KIF6: variants seen among roughly 807,000 people sequenced by gnomAD.
The protein encoded by KIF6 is kinesin family member 6, also known as kinesin-like protein KIF6.
In KIF6, 106 loss-of-function variants were observed where a neutral mutation model predicts 112.7. The ratio of observed to expected loss-of-function variants is 0.94; its 90% confidence interval spans 0.80 to 1.11. The LOEUF (loss-of-function observed/expected upper bound fraction) is 1.11, where lower values mean the gene tolerates loss of function less well. Among genes scored for constraint, KIF6 ranks in the 50% least tolerant of loss-of-function variants. The pLI is 0.00. For missense variants in KIF6, 929 were observed against 964.0 expected (o/e 0.96, Z 0.48); for synonymous variants, 339 against 339.9 (o/e 1.00, Z 0.03).
At chr6:39,651,164 G>A (rs554474166) in intron 3 of KIF6, among the ~76,000 whole-genome samples, 19 of 152,272 alleles carry the variant, frequency 1.2e-4, no homozygotes, top group Admixed American at 1.2e-3. Flanking sequence ...AATTAGAGAG[G>A]CCAAGTGAGA....
chr6:39,446,568 A>G (rs7770904), intron 13 of KIF6, among the ~76,000 whole-genome samples: 5,286 of 152,182 alleles, frequency 0.035, 135 homozygotes, highest in African/African-American at 0.049. Flanking sequence ...ATCTTGGCTC[A>G]CTGCAACCTC....
At chr6:39,500,722 T>G (rs1010144954) in intron 13 of KIF6, among the ~76,000 whole-genome samples, 3 of 152,128 alleles carry the variant, frequency 2.0e-5, no homozygotes, top group Admixed American at 6.5e-5. Context: ...ACTTGACACA[T>G]GCCATCGTTG....
chr6:39,475,501 T>C (rs1037935746), intron 13 of KIF6, among the ~76,000 whole-genome samples: 7 of 152,236 alleles, frequency 4.6e-5, no homozygotes, highest in Non-Finnish European at 1.0e-4. Context: ...CCTAGGTCCC[T>C]GACAATATTT....
At chr6:39,368,699 C>T (rs1396326267) in intron 16 of KIF6, among the ~76,000 whole-genome samples, 1 of 152,154 alleles carries the variant, frequency 6.6e-6, no homozygotes, top group Non-Finnish European at 1.5e-5. Context: ...AGCTATATAC[C>T]CACTCTCCAG....
At chr6:39,455,746 G>A (rs186393907) in intron 13 of KIF6, among the ~76,000 whole-genome samples, 29 of 152,170 alleles carry the variant, frequency 1.9e-4, no homozygotes, top group African/African-American at 6.0e-4. Flanking sequence ...GAGCCGATGC[G>A]ATCAGCTGAA....
chr6:39,417,196 T>C (rs1362076447), intron 15 of KIF6, among the ~76,000 whole-genome samples: 2 of 152,178 alleles, frequency 1.3e-5, no homozygotes, highest in Admixed American at 1.3e-4. Flanking sequence ...TAACCTGGTG[T>C]CTGAGATGTC....
At chr6:39,638,475 A>G (rs1784739559) in intron 4 of KIF6, among the ~76,000 whole-genome samples, 1 of 152,114 alleles carries the variant, frequency 6.6e-6, no homozygotes, top group African/African-American at 2.4e-5. Flanking sequence ...GAGTAAATGA[A>G]AAAAGGGCTT....
At chr6:39,622,210 T>C (rs1184187125) in intron 5 of KIF6, among the ~76,000 whole-genome samples, 1 of 151,948 alleles carries the variant, frequency 6.6e-6, no homozygotes, top group Non-Finnish European at 1.5e-5. Context: ...TATTTCCAAC[T>C]GTTTTTTAAC....
At chr6:39,693,262 T>C (rs949678925) in intron 3 of KIF6, among the ~76,000 whole-genome samples, 3 of 152,218 alleles carry the variant, frequency 2.0e-5, no homozygotes, top group Non-Finnish European at 2.9e-5. Context: ...CACAAGGTCT[T>C]CCAGCTCAAT....
chr6:39,387,785 T>C (rs1169982815), intron 15 of KIF6, among the ~76,000 whole-genome samples: 1 of 152,180 alleles, frequency 6.6e-6, no homozygotes, highest in African/African-American at 2.4e-5. Context: ...CTAGGCTGCA[T>C]CAAACACTGC....
chr6:39,529,774 G>A (rs368482310), intron 13 of KIF6, among the ~76,000 whole-genome samples: 215 of 151,978 alleles, frequency 1.4e-3, no homozygotes, highest in African/African-American at 4.8e-3. Flanking sequence ...GCGACAGAGC[G>A]AGACTCCGTC....
chr6:39,607,839 C>G (rs1441838330), intron 6 of KIF6, among the ~76,000 whole-genome samples: 1 of 152,200 alleles, frequency 6.6e-6, no homozygotes, highest in Non-Finnish European at 1.5e-5. Context: ...TTATATATAA[C>G]TAACATATCT....
chr6:39,561,406 C>T (rs1780001312), intron 10 of KIF6, among the ~76,000 whole-genome samples: 1 of 151,508 alleles, frequency 6.6e-6, no homozygotes, highest in South Asian at 2.1e-4. Flanking sequence ...GGCTGGAGTG[C>T]GTTGGTATGA....
chr6:39,563,189 T>C (rs940841714), intron 10 of KIF6, among the ~76,000 whole-genome samples: 24 of 152,116 alleles, frequency 1.6e-4, no homozygotes, highest in Admixed American at 1.5e-3. Flanking sequence ...TTCAGTGAGA[T>C]CGCGCCACTG....
chr6:39,486,061 C>A lies in KIF6; in HGVS notation c.1645+53942G>T, dbSNP rs540661068. On this transcript the variant is annotated intron_variant, in intron 13 of 22. Coordinates refer to ENST00000287152, the MANE Select transcript of KIF6 (RefSeq NM_145027.6). ...AGGCAATGAAGAACAATGCTTGTGG[C>A]AGATGAAAGATGGCTGTGAACACTT... 7.9e-5 allele frequency among the ~76,000 whole-genome samples: 12 copies of A among 152,296 alleles called. No homozygotes were observed. The South Asian group carries it at 2.5e-3, about 32-fold the overall frequency.
At chr6:39,520,546 C>T (rs1385768527) in intron 13 of KIF6, among the ~76,000 whole-genome samples, 2 of 152,172 alleles carry the variant, frequency 1.3e-5, no homozygotes, top group African/African-American at 4.8e-5. Context: ...AGCAGATTCA[C>T]CGAAGCACAG....
chr6:39,346,086 C>CTCCTCTCTCTCT (rs1326236666), intron 20 of KIF6, among the ~76,000 whole-genome samples: 1 of 26,994 alleles, frequency 3.7e-5, no homozygotes, highest in Non-Finnish European at 6.4e-5. Context: ...CTCTCTCTCT[C>CTCCTCTCTCTCT]CCCCCCCTCT....
chr6:39,637,265 T>C (rs902736411), intron 4 of KIF6, among the ~76,000 whole-genome samples: 5 of 152,114 alleles, frequency 3.3e-5, no homozygotes, highest in Admixed American at 1.3e-4. Context: ...TGTCTTTGGC[T>C]CTTTCAGCTT....
At chr6:39,354,115 C>T in intron 19 of KIF6, 1 of 340,522 alleles carries the variant, frequency 2.9e-6, no homozygotes, top group Non-Finnish European at 5.9e-6. Flanking sequence ...GCCCTGAAGG[C>T]CATCTGGGAT....
Sources: allele counts gnomAD v4.1 joint callset (sites outside exome capture counted in the v4.1 genomes callset), GRCh38; gene constraint gnomAD v4.1.1; transcripts MANE v1.5; gene names NCBI Gene and HGNC (gene_info 2026-07-23, HGNC 2026-07-21).